ZNF141: variants seen among roughly 807,000 people sequenced by gnomAD.
ZNF141 encodes the protein zinc finger protein 141 (clone pHZ-44).
Under a neutral mutation model 11.3 loss-of-function variants are expected in ZNF141, and 7 were observed. The observed-to-expected ratio is 0.62, with a 90% confidence interval of 0.35 to 1.16. ZNF141 has a LOEUF of 1.16. ZNF141 is among the 50% of genes most tolerant of loss of function. ZNF141 has a pLI of 0.02. For missense variants in ZNF141, 535 were observed against 554.0 expected (o/e 0.97, Z 0.34); for synonymous variants, 183 against 190.7 (o/e 0.96, Z 0.33).
Position 381,694 on chromosome 4 carries a change from C to T in ZNF141, c.*7832C>T, listed in dbSNP as rs1172410272. Among the ~76,000 whole-genome samples the T allele has an allele frequency of 1.3e-5, 2 of 152,034 alleles. No homozygotes were observed. Among genetic ancestry groups the T allele is most frequent in the Non-Finnish European group, 2.9e-5 (2 of 68,004 alleles). The stretch of plus-strand genomic sequence containing the variant: ...AAAGTGCTGGGATTACAGGCGTGAG[C>T]CACCATGCCCTCAAATATGCTTTCT... On this transcript the variant is annotated 3_prime_UTR_variant, in exon 4 of 4. Transcript: ENST00000240499.
rs527760887 is a variant in ZNF141, at chr4:346,841, A to ATATATATATGTATATACATGTATG, written c.226+2426_226+2449dup. ...AATAGTGTCCTGTGTATGTGTGTGT[A>ATATATATATGTATATACATGTATG]TATATATATGTATATACATGTATGT... On this transcript the variant is annotated intron_variant, in intron 3 of 3. Coordinates refer to ENST00000240499, the MANE Select transcript of ZNF141 (RefSeq NM_003441.4). Among the ~76,000 whole-genome samples the ATATATATATGTATATACATGTATG allele has an allele frequency of 7.5e-3, 1,122 of 148,874 alleles. 28 individuals are homozygous for ATATATATATGTATATACATGTATG. Among genetic ancestry groups the ATATATATATGTATATACATGTATG allele is most frequent in the African/African-American group, 0.026 (1,041 of 39,326 alleles).
chr4:373,470 G>A lies in ZNF141; in HGVS notation c.1033G>A (p.Gly345Ser), dbSNP rs782523002. 1.9e-6 allele frequency: 3 copies of A among 1,613,854 alleles called. No homozygotes were observed. Among genetic ancestry groups the A allele is most frequent in the Non-Finnish European group, 2.5e-6 (3 of 1,179,992 alleles). The change falls in exon 4 of 4, where the codon GGC becomes AGC. Residue 345 changes from glycine (G) to serine (S), a missense_variant. Coordinates refer to ENST00000240499, the MANE Select transcript of ZNF141 (RefSeq NM_003441.4). Reference protein sequence around the residue: ...GEKPYTCEECGKAFRQSSKLN... With the variant: ...GEKPYTCEECSKAFRQSSKLN... The stretch of plus-strand genomic sequence containing the variant: ...GAAACCCTACACATGTGAAGAATGT[G>A]GCAAAGCTTTTAGACAGTCCTCAAA...
At chr4:372,628 C>T (rs1019485738) in intron 3 of ZNF141, 36 bp from the exon 4 acceptor site, 16 of 1,437,634 alleles carry the variant, frequency 1.1e-5, no homozygotes, top group Non-Finnish European at 1.5e-5. Context: ...TATGAATCTA[C>T]TAAGTGGGAT....
intron 3 of ZNF141, among the ~76,000 whole-genome samples, chr4:368,393 C>T (rs1711852779): frequency 6.6e-6 from 1 of 151,980 alleles, no homozygotes. Context: ...AGACGTGCAC[C>T]ACCACACCCA....
rs576636703 is a variant in ZNF141 at position 373,196 on chromosome 4, A to G, written c.759A>G (p.Lys253=). 2 of 1,614,034 alleles carry G rather than the reference A, an allele frequency of 1.2e-6. No homozygotes were observed. Among genetic ancestry groups the G allele is most frequent in the East Asian group, 2.2e-5 (1 of 44,858 alleles). ...AKHKIIHTGE[K]PYKCEECGKA... ...ATAAAATAATTCATACTGGAGAAAA[A>G]CCCTATAAATGTGAAGAATGTGGCA... The change falls in exon 4 of 4, where the codon AAA becomes AAG. Residue 253 remains lysine, a synonymous_variant. Coordinates refer to ENST00000240499, the MANE Select transcript of ZNF141 (RefSeq NM_003441.4).
rs549981276 is a variant in ZNF141 at position 343,271 on chromosome 4, T to C, written c.4-511T>C. 1.2e-4 allele frequency among the ~76,000 whole-genome samples: 19 copies of C among 152,246 alleles called. No individual in the cohort carries two copies. The South Asian group carries it at 3.7e-3, about 30-fold the overall frequency. ...GGTCAGTGTAGCCCATTATTTTTAT[T>C]GCAGCAACAGAAACTCTTGGAATGC... On this transcript the variant is annotated intron_variant, in intron 1 of 3. Transcript: ENST00000240499.
Position 382,008 on chromosome 4 carries a change from C to G in ZNF141, c.*8146C>G, listed in dbSNP as rs868936951. Among the ~76,000 whole-genome samples, 3 of 146,148 alleles carry G rather than the reference C, an allele frequency of 2.1e-5. No individual in the cohort carries two copies. The highest frequency in any genetic ancestry group is 3.0e-5 in the Non-Finnish European group (2 of 67,328). ...TCGCCCAGGCTGGAGTGCAGTGGCT[C>G]GATCTCGGCTCACTGCAAGCTCCAC... is the stretch of plus-strand genomic sequence containing the variant. On this transcript the variant is annotated 3_prime_UTR_variant, in exon 4 of 4. Coordinates refer to ENST00000240499, the MANE Select transcript of ZNF141 (RefSeq NM_003441.4).
At chr4:366,898 C>T (rs1711770129) in intron 3 of ZNF141, among the ~76,000 whole-genome samples, 1 of 151,370 alleles carries the variant, frequency 6.6e-6, no homozygotes, top group African/African-American at 2.4e-5. Context: ...GAGCTCTGGA[C>T]CTCAGGTAAT....
At position 372,644 on chromosome 4, in the gene ZNF141, G is replaced by C; in HGVS notation, c.227-20G>C. The C allele has an allele frequency of 6.8e-7, 1 of 1,476,126 alleles. No homozygotes were observed. The highest frequency in any genetic ancestry group is 9.0e-7 in the Non-Finnish European group (1 of 1,106,668). 91.4% of individuals were successfully genotyped at this position (1,476,126 alleles called of 1,614,324 possible). ...ATGAATCTACTAAGTGGGATAATTT[G>C]TAATTTTTATTTCTTTCAGCTATGT... is the stretch of plus-strand genomic sequence containing the variant. On this transcript the variant is annotated intron_variant, in intron 3 of 3. Coordinates refer to ENST00000240499, the MANE Select transcript of ZNF141 (RefSeq NM_003441.4).
intron 3 of ZNF141, among the ~76,000 whole-genome samples, chr4:345,198 TC>T (rs1184539340): frequency 2.0e-5 from 3 of 152,228 alleles, no homozygotes; most frequent in African/African-American, 7.2e-5. Context: ...TTGCCTCTTT[TC>T]TACTTAGTGT....
At chr4:340,394 T>TAGGAAA (rs1720989875) in intron 1 of ZNF141, among the ~76,000 whole-genome samples, 2 of 152,356 alleles carry the variant, frequency 1.3e-5, no homozygotes, top group Admixed American at 1.3e-4. Context: ...AGGATAGCGA[T>TAGGAAA]CAGTTTTTCC....
intron 3 of ZNF141, among the ~76,000 whole-genome samples, chr4:348,682 T>G (rs1721452574): frequency 6.6e-6 from 1 of 151,694 alleles, no homozygotes; most frequent in Non-Finnish European, 1.5e-5. Context: ...TGAACCTAGA[T>G]TGTGCCACTG....
intron 3 of ZNF141, among the ~76,000 whole-genome samples, chr4:356,226 G>A (rs1278924252): frequency 3.4e-5 from 4 of 117,052 alleles, no homozygotes; most frequent in Non-Finnish European, 7.0e-5. Context: ...GCAAGGCTCC[G>A]TCTCAAAAAA....
chr4:369,760 ATATATTTTTT>A (rs1711952448), intron 3 of ZNF141, among the ~76,000 whole-genome samples: 1 of 34,092 alleles, frequency 2.9e-5, no homozygotes, highest in Admixed American at 3.3e-4. Flanking sequence ...ATATATATAT[ATATATTTTTT>A]TTTTTTTTTT....
chr4:367,734 C>T (rs1711818014), intron 3 of ZNF141, among the ~76,000 whole-genome samples: 1 of 152,076 alleles, frequency 6.6e-6, no homozygotes, highest in Non-Finnish European at 1.5e-5. Flanking sequence ...CCAGGCTAGT[C>T]TTGATCTCCT....
In ZNF141 at chr4:383,288, A is replaced by C. The variant is rs1301948579; in HGVS notation, c.*9426A>C. 6 of 620,900 alleles carry C rather than the reference A, an allele frequency of 9.7e-6. No individual in the cohort carries two copies. The highest frequency in any genetic ancestry group is 2.9e-5 in the Admixed American group (1 of 33,960). The allele number at this position is 620,900 out of a possible 1,614,324, so 38.5% of individuals were successfully genotyped here. Reference sequence around the variant, plus strand: ...AATGGCCCGGCTGAGCCCAGCCTAAATTTCTAACCAGCTCAATCCTGAGCT... The same window carrying C: ...AATGGCCCGGCTGAGCCCAGCCTAACTTTCTAACCAGCTCAATCCTGAGCT... On this transcript the variant is annotated 3_prime_UTR_variant, in exon 4 of 4. Coordinates refer to ENST00000240499, the MANE Select transcript of ZNF141 (RefSeq NM_003441.4).
chr4:357,775 T>G (rs1041615875), intron 3 of ZNF141, among the ~76,000 whole-genome samples: 1 of 151,124 alleles, frequency 6.6e-6, no homozygotes, highest in Non-Finnish European at 1.5e-5. Flanking sequence ...GGCACGATCT[T>G]GGCTCACTGC....
chr4:337,816 C>T lies in ZNF141; in HGVS notation c.-168C>T, dbSNP rs931236394. 6.2e-6 allele frequency: 5 copies of T among 812,998 alleles called. No individual in the cohort carries two copies. The highest frequency in any genetic ancestry group is 1.7e-5 in the African/African-American group (1 of 57,504). The allele number at this position is 812,998 out of a possible 1,614,324, so 50.4% of individuals were successfully genotyped here. ...GTGGCTTCCGGGATGTGGCGCGGGT[C>T]TTTGCGTCTGGCTACTACCAGACCG... On this transcript the variant is annotated 5_prime_UTR_variant, in exon 1 of 4. Coordinates refer to ENST00000240499, the MANE Select transcript of ZNF141 (RefSeq NM_003441.4).
At chr4:346,931 A>G (rs1212003839) in intron 3 of ZNF141, among the ~76,000 whole-genome samples, 4 of 149,868 alleles carry the variant, frequency 2.7e-5, no homozygotes, top group Admixed American at 6.6e-5. Flanking sequence ...AAACGGTACT[A>G]CAATAAACAT....
Sources: allele counts gnomAD v4.1 joint callset (sites outside exome capture counted in the v4.1 genomes callset), GRCh38; gene constraint gnomAD v4.1.1; transcripts MANE v1.5; gene names NCBI Gene and HGNC (gene_info 2026-07-23, HGNC 2026-07-21).